Variants in SATB1 observed in about 807,000 individuals in gnomAD.
SATB1 encodes the protein SATB homeobox 1, also known as DNA-binding protein SATB1.
SATB1 carries 11 observed loss-of-function variants against 86.9 expected under a neutral mutation model. The ratio of observed to expected loss-of-function variants is 0.13; its 90% confidence interval spans 0.08 to 0.21. The LOEUF (loss-of-function observed/expected upper bound fraction) is 0.21, where lower values mean the gene tolerates loss of function less well. SATB1 is among the 10% of genes least tolerant of loss of function. The probability of loss-of-function intolerance (pLI) is 1.00; values close to 1 mark genes in which losing one functional copy is unlikely to be tolerated. For missense variants in SATB1, 551 were observed against 937.6 expected (o/e 0.59, Z 5.39); for synonymous variants, 357 against 357.2 (o/e 1.00, Z 0.01).
chr3:18,365,256 T>C (rs145043288), intron 9 of SATB1, among the ~76,000 whole-genome samples: 3 of 152,302 alleles, frequency 2.0e-5, no homozygotes, highest in African/African-American at 7.2e-5. Flanking sequence ...ATTGACATCA[T>C]GTCATCCAAG....
At chr3:18,415,018 G>C in intron 5 of SATB1, 93 bp downstream of exon 5, 1 of 1,434,078 alleles carries the variant, frequency 7.0e-7, no homozygotes, top group Non-Finnish European at 9.6e-7. Flanking sequence ...TCTTGCTTCA[G>C]ATACCAGTTG....
chr3:18,399,421 T>G (rs1490344678), intron 5 of SATB1, among the ~76,000 whole-genome samples: 1 of 152,176 alleles, frequency 6.6e-6, no homozygotes, highest in African/African-American at 2.4e-5. Context: ...CAATTTAATG[T>G]GATTTGGTAT....
intron 9 of SATB1, among the ~76,000 whole-genome samples, chr3:18,377,097 C>T (rs1335171153): frequency 6.6e-6 from 1 of 152,082 alleles, no homozygotes; most frequent in Non-Finnish European, 1.5e-5. Flanking sequence ...TGTCAAGTAA[C>T]ACTATAAATG....
chr3:18,436,224 G>C (rs1699055947), intron 2 of SATB1, among the ~76,000 whole-genome samples: 1 of 152,102 alleles, frequency 6.6e-6, no homozygotes, highest in Non-Finnish European at 1.5e-5. Context: ...AATTACAGTA[G>C]TATTTATTCA....
At chr3:18,351,374 G>A (rs1694352342) in intron 10 of SATB1, 1 of 1,556,046 alleles carries the variant, frequency 6.4e-7, no homozygotes, top group Non-Finnish European at 8.6e-7. Flanking sequence ...AACGCCTCTA[G>A]ACTCTCCTTT....
At chr3:18,418,439 T>C (rs1041345276) in intron 2 of SATB1, among the ~76,000 whole-genome samples, 2 of 152,160 alleles carry the variant, frequency 1.3e-5, no homozygotes, top group South Asian at 2.1e-4. Flanking sequence ...CAAAACCCTT[T>C]AGGTTTACTT....
chr3:18,430,643 G>T (rs1328051104), intron 2 of SATB1, among the ~76,000 whole-genome samples: 1 of 152,170 alleles, frequency 6.6e-6, no homozygotes, highest in African/African-American at 2.4e-5. Context: ...GCACTGCAGA[G>T]AATAATGGCA....
At position 18,423,644 on chromosome 3, in the gene SATB1, G is replaced by T. The variant is rs1429796065; in HGVS notation, c.-42C>A. On this transcript the variant is annotated 5_prime_UTR_variant, in exon 1 of 11. It adds an upstream start codon to the 5' untranslated region. Coordinates refer to ENST00000338745, the MANE Select transcript of SATB1 (RefSeq NM_002971.6). ...AAACTCACCACTTCAAAACTTGACA[G>T]CACATAAATAACAAAAACAAAGGAG... 1.3e-5 allele frequency: 2 copies of T among 151,134 alleles called. No homozygotes were observed. Among genetic ancestry groups the T allele is most frequent in the Admixed American group, 1.3e-4 (2 of 15,182 alleles). The allele number at this position is 151,134 out of a possible 1,614,324, so 9.4% of individuals were successfully genotyped here.
chr3:18,353,435 A>G (rs1694472983), intron 9 of SATB1, among the ~76,000 whole-genome samples: 1 of 151,800 alleles, frequency 6.6e-6, no homozygotes, highest in South Asian at 2.1e-4. Flanking sequence ...AATCATGATC[A>G]CCTGACTCCC....
At chr3:18,370,881 A>C (rs2125170121) in intron 9 of SATB1, among the ~76,000 whole-genome samples, 1 of 152,334 alleles carries the variant, frequency 6.6e-6, no homozygotes, top group Admixed American at 6.5e-5. Context: ...CGTAGCGTCG[A>C]TACTCGACAG....
chr3:18,442,568 T>C (rs1457411520), upstream of SATB1, among the ~76,000 whole-genome samples: 2 of 152,212 alleles, frequency 1.3e-5, no homozygotes, highest in African/African-American at 4.8e-5. Flanking sequence ...TTTTATATAG[T>C]ATACACATTG....
intron 5 of SATB1, chr3:18,408,595 A>G (rs1306908173): frequency 6.6e-6 from 1 of 151,900 alleles, no homozygotes; most frequent in Non-Finnish European, 1.5e-5. Flanking sequence ...TATGTTTTTC[A>G]TACTCAGAGC....
chr3:18,404,136 T>C (rs1350239617), intron 5 of SATB1, among the ~76,000 whole-genome samples: 1 of 152,096 alleles, frequency 6.6e-6, no homozygotes, highest in Non-Finnish European at 1.5e-5. Flanking sequence ...AATGAATTTG[T>C]TGAAAATTAA....
chr3:18,361,440 T>C (rs1021394234), intron 9 of SATB1, among the ~76,000 whole-genome samples: 1 of 152,144 alleles, frequency 6.6e-6, no homozygotes, highest in African/African-American at 2.4e-5. Flanking sequence ...GATTTGAATA[T>C]CAAGGGGGCT....
chr3:18,349,724 G>C lies in SATB1; in HGVS notation c.1780-42C>G. The stretch of plus-strand genomic sequence containing the variant: ...AGACAATCAGAGCTCTGCTATCGTG[G>C]AGTTCCACACAAAGCCGTCTCCAAT... On this transcript the variant is annotated intron_variant, in intron 10 of 10. Transcript: ENST00000338745. This position sits in a 1 kb window ranked among gnomAD's most constrained non-coding sequence, Gnocchi z 5.5. 3 of 1,548,874 alleles carry C rather than the reference G, an allele frequency of 1.9e-6. No individual in the cohort carries two copies. The highest frequency in any genetic ancestry group is 4.2e-4 in the Middle Eastern group (2 of 4,714).
chr3:18,361,872 T>C (rs1386740128), intron 9 of SATB1, among the ~76,000 whole-genome samples: 2 of 152,154 alleles, frequency 1.3e-5, no homozygotes, highest in Non-Finnish European at 2.9e-5. Context: ...TATATACATA[T>C]AGATACATGT....
intron 8 of SATB1, among the ~76,000 whole-genome samples, chr3:18,380,554 A>AT (rs773536874): frequency 6.6e-5 from 10 of 151,662 alleles, no homozygotes; most frequent in Middle Eastern, 3.4e-3. Flanking sequence ...TACAAGAAAT[A>AT]TTTTTTTTTA....
At chr3:18,362,501 T>G (rs925273879) in intron 9 of SATB1, among the ~76,000 whole-genome samples, 1 of 151,964 alleles carries the variant, frequency 6.6e-6, no homozygotes, top group Non-Finnish European at 1.5e-5. Flanking sequence ...TGAGGGCTCA[T>G]GTATAGTAGC....
intron 9 of SATB1, among the ~76,000 whole-genome samples, chr3:18,365,786 G>A (rs138063103): frequency 4.5e-4 from 69 of 152,254 alleles, no homozygotes; most frequent in Non-Finnish European, 7.5e-4. Context: ...CGTCCTTATG[G>A]TTATCCAGGG....
Sources: allele counts gnomAD v4.1 joint callset (sites outside exome capture counted in the v4.1 genomes callset), GRCh38; gene constraint gnomAD v4.1.1; non-coding constraint Gnocchi (gnomAD v3.1); transcripts MANE v1.5; gene names NCBI Gene and HGNC (gene_info 2026-07-23, HGNC 2026-07-21).